Variants in BAG3 observed in about 807,000 individuals in gnomAD.
BAG3 encodes BAG family molecular chaperone regulator 3.
BAG3 carries 14 observed loss-of-function variants against 40.5 expected under a neutral mutation model. That is an observed-to-expected ratio of 0.35 (90% confidence interval 0.23 to 0.54). The LOEUF is 0.54. BAG3 is among the 20% of genes least tolerant of loss of function. The probability of loss-of-function intolerance (pLI) is 0.91; values close to 1 mark genes in which losing one functional copy is unlikely to be tolerated. For missense variants in BAG3, 788 were observed against 758.6 expected (o/e 1.04, Z -0.46); for synonymous variants, 302 against 307.8 (o/e 0.98, Z 0.20).
intron 1 of BAG3, among the ~76,000 whole-genome samples, chr10:119,662,361 G>T (rs542755121): frequency 6.6e-6 from 1 of 151,694 alleles, no homozygotes; most frequent in Non-Finnish European, 1.5e-5. Context: ...AAGCCACCAC[G>T]CCCAGTTCCA....
chr10:119,663,301 TTTG>T (rs145846357), intron 1 of BAG3, among the ~76,000 whole-genome samples: 27,084 of 151,896 alleles, frequency 0.18, 3,040 homozygotes, highest in Non-Finnish European at 0.26. Context: ...GTTTTGTTTT[TTTG>T]TTGTTGTTTT....
intron 3 of BAG3, among the ~76,000 whole-genome samples, chr10:119,673,710 A>T (rs556142381): frequency 2.3e-4 from 35 of 152,368 alleles, no homozygotes; most frequent in Non-Finnish European, 4.7e-4. Flanking sequence ...ATGTTGTTTT[A>T]TTTGGAAATA....
chr10:119,676,410 T>C, intron 3 of BAG3, 54 bp from the exon 4 acceptor site: 1 of 1,588,340 alleles, frequency 6.3e-7, no homozygotes, highest in Non-Finnish European at 8.6e-7. Context: ...CTACAAACAA[T>C]TTCTGTGACT....
intron 1 of BAG3, among the ~76,000 whole-genome samples, chr10:119,668,060 C>T (rs913923051): frequency 6.6e-6 from 1 of 152,214 alleles, no homozygotes. Flanking sequence ...TCTTGGGTGA[C>T]CTGAGAGTTA....
In BAG3 at chr10:119,677,336, A is replaced by G; in HGVS notation, c.*54A>G. The G allele has an allele frequency of 6.2e-7, 1 of 1,606,592 alleles. No homozygotes were observed. Among genetic ancestry groups the G allele is most frequent in the Non-Finnish European group, 8.5e-7 (1 of 1,175,596 alleles). On this transcript the variant is annotated 3_prime_UTR_variant, in exon 4 of 4. Coordinates refer to ENST00000369085, the MANE Select transcript of BAG3 (RefSeq NM_004281.4). ...ACCGATGTGTGCTTTAGGGAATTTT[A>G]AGTTGCATGCATTTCAGAGACTTTA...
rs756178548 is a variant in BAG3 at position 119,676,711 on chromosome 10, C to T, written c.1157C>T (p.Ser386Phe). 2.5e-6 allele frequency: 4 copies of T among 1,614,048 alleles called. No homozygotes were observed. Among genetic ancestry groups the T allele is most frequent in the Admixed American group, 3.3e-5 (2 of 60,002 alleles). ...CCTGGCCCTTCTGCTGTCCCCTCTT[C>T]CCCCAAGAGTGTGGCTACAGAAGAG... ...PSPGPSAVPS[S>F]PKSVATEERA... is the part of the protein sequence containing the mutation. The change falls in exon 4 of 4, where the codon TCC (serine) becomes TTC (phenylalanine). Residue 386 changes from serine (S) to phenylalanine (F), a missense_variant. Ser to Phe is a radical substitution (Grantham distance 155). Transcript: ENST00000369085.
chr10:119,665,530 C>T (rs111919383), intron 1 of BAG3, among the ~76,000 whole-genome samples: 5 of 152,148 alleles, frequency 3.3e-5, no homozygotes, highest in Middle Eastern at 3.4e-3. Flanking sequence ...CCACCCGCCT[C>T]GGCCTCCCAA....
chr10:119,651,986 C>A, intron 1 of BAG3, 131 bp downstream of exon 1: 1 of 745,960 alleles, frequency 1.3e-6, no homozygotes, highest in South Asian at 6.5e-5. Flanking sequence ...CGGGCGGACA[C>A]CGGCTCCGCG....
intron 1 of BAG3, among the ~76,000 whole-genome samples, chr10:119,658,605 A>C (rs1238098160): frequency 6.6e-6 from 1 of 152,088 alleles, no homozygotes; most frequent in African/African-American, 2.4e-5. Flanking sequence ...TTACCCCGGG[A>C]GATGAAGGTT....
Position 119,676,662 on chromosome 10 carries a change from C to G in BAG3, c.1108C>G (p.Pro370Ala), listed in dbSNP as rs1450188487. 2 of 1,614,184 alleles carry G rather than the reference C, an allele frequency of 1.2e-6. No homozygotes were observed. The highest frequency in any genetic ancestry group is 2.2e-5 in the South Asian group (2 of 91,076). ...GGTAGAGGTGAAAGTTCCCCCTGCT[C>G]CAGTTCCTTGTCCTCCTCCCAGCCC... ...EKVEVKVPPA[P>A]VPCPPPSPGP... The change falls in exon 4 of 4, where the codon CCA becomes GCA. Residue 370 changes from proline (P) to alanine (A), a missense_variant. Pro to Ala is a conservative substitution (Grantham distance 27, BLOSUM62 -1). Transcript: ENST00000369085.
chr10:119,663,562 C>T (rs572118247), intron 1 of BAG3, among the ~76,000 whole-genome samples: 2 of 152,290 alleles, frequency 1.3e-5, no homozygotes, highest in Admixed American at 1.3e-4. Flanking sequence ...GATCCACCCG[C>T]CTCGGCCTCC....
chr10:119,668,897 A>G (rs1289364277), intron 1 of BAG3, among the ~76,000 whole-genome samples: 1 of 152,254 alleles, frequency 6.6e-6, no homozygotes, highest in African/African-American at 2.4e-5. Context: ...ACTGGGCACA[A>G]CTTCAAATAC....
intron 1 of BAG3, among the ~76,000 whole-genome samples, chr10:119,656,999 C>A (rs1052664710): frequency 1.3e-5 from 2 of 152,116 alleles, no homozygotes; most frequent in Admixed American, 6.5e-5. Context: ...GACAGACTTG[C>A]CTTTAGCGGG....
chr10:119,676,653 C>A lies in BAG3; in HGVS notation c.1099C>A (p.Pro367Thr). 1 of 1,614,154 alleles carries A rather than the reference C, an allele frequency of 6.2e-7. No homozygotes were observed. The change falls in exon 4 of 4, where the codon CCC becomes ACC. Residue 367 changes from proline (P) to threonine (T), a missense_variant. Physicochemically the swap from Pro to Thr is conservative, Grantham distance 38. Coordinates refer to ENST00000369085, the MANE Select transcript of BAG3 (RefSeq NM_004281.4). The stretch of plus-strand genomic sequence containing the variant: ...CTCTGAGAAGGTAGAGGTGAAAGTT[C>A]CCCCTGCTCCAGTTCCTTGTCCTCC... ...PPSEKVEVKV[P>T]PAPVPCPPPS...
intron 1 of BAG3, among the ~76,000 whole-genome samples, chr10:119,668,093 G>T (rs558448344): frequency 6.6e-6 from 1 of 152,292 alleles, no homozygotes; most frequent in South Asian, 2.1e-4. Context: ...TAATGCCGCC[G>T]CCCTGAGCAC....
intron 3 of BAG3, among the ~76,000 whole-genome samples, chr10:119,673,438 G>C (rs186745732): frequency 6.6e-6 from 1 of 152,348 alleles, no homozygotes; most frequent in Non-Finnish European, 1.5e-5. Flanking sequence ...CTGGCCTGGG[G>C]AAGGTTGTAG....
intron 3 of BAG3, among the ~76,000 whole-genome samples, chr10:119,675,001 C>T (rs1001678352): frequency 6.8e-6 from 1 of 146,094 alleles, no homozygotes; most frequent in Non-Finnish European, 1.5e-5. Context: ...AAACAAAAAG[C>T]GTCAAGATAT....
At chr10:119,665,468 G>A (rs570824571) in intron 1 of BAG3, among the ~76,000 whole-genome samples, 1 of 152,050 alleles carries the variant, frequency 6.6e-6, no homozygotes, top group South Asian at 2.1e-4. Flanking sequence ...TAGTGAAGAT[G>A]GGGTTTCATC....
Position 119,669,901 on chromosome 10 carries a change from G to A in BAG3, c.231G>A (p.Pro77=), listed in dbSNP as rs143752613. 1,377 of 1,614,182 alleles carry A rather than the reference G, an allele frequency of 8.5e-4. 8 individuals carry two copies. In the African/African-American group the frequency reaches 0.015, roughly 18 times the overall value. ...NGPSREGSRL[P]PAREGHPVYP... ...CTTCCCGGGAGGGCTCTAGGCTGCC[G>A]CCTGCTAGGGAAGGCCACCCTGTGT... The change falls in exon 2 of 4, where the codon CCG becomes CCA. Residue 77 remains proline, a synonymous_variant. Transcript: ENST00000369085.
Sources: allele counts gnomAD v4.1 joint callset (sites outside exome capture counted in the v4.1 genomes callset), GRCh38; gene constraint gnomAD v4.1.1; transcripts MANE v1.5; gene names NCBI Gene and HGNC (gene_info 2026-07-23, HGNC 2026-07-21).